CELF2: variants seen among roughly 807,000 people sequenced by gnomAD.
CELF2 encodes CUG triplet repeat RNA-binding protein 2.
In CELF2, 8 loss-of-function variants were observed where a neutral mutation model predicts 62.6. The observed-to-expected ratio is 0.13, with a 90% confidence interval of 0.07 to 0.23. The LOEUF (loss-of-function observed/expected upper bound fraction) is 0.23. Among genes scored for constraint, CELF2 ranks in the 10% least tolerant of loss-of-function variants. The pLI is 1.00. For synonymous variants in CELF2, 258 were observed against 250.0 expected, an observed-to-expected ratio of 1.03 and a Z score of -0.30; for missense variants, 333 against 671.0, an observed-to-expected ratio of 0.50 and a Z score of 5.56.
At position 10,835,657 on chromosome 10, in the gene CELF2, A is replaced by G. The variant is rs571267033; in HGVS notation, c.53+36840A>G. On this transcript the variant is annotated intron_variant, in intron 1 of 13. Coordinates refer to the CELF2 transcript ENST00000636488. ...TTCAGCCTCCTATAGTGCTGGGATT[A>G]CAGGTGTGAGCCACCACGCCCAGCC... Among the ~76,000 whole-genome samples the G allele has an allele frequency of 5.4e-4, 82 of 152,270 alleles. 1 individual carries two copies. Among genetic ancestry groups the G allele is most frequent in the Non-Finnish European group, 8.8e-4 (60 of 68,018 alleles).
At chr10:10,560,753 A>G in the CELF2 span, among the ~76,000 whole-genome samples, 2 of 152,232 alleles carry the variant, frequency 1.3e-5, no homozygotes, top group Non-Finnish European at 2.9e-5. Flanking sequence ...TCACAATTGC[A>G]AAATTGTGGA....
the CELF2 span, among the ~76,000 whole-genome samples, chr10:10,542,767 A>C: frequency 6.6e-6 from 1 of 152,208 alleles, no homozygotes. Context: ...CAATTGTGAC[A>C]GGGGTTATGA....
At chr10:10,550,943 C>A in the CELF2 span, among the ~76,000 whole-genome samples, 2 of 151,870 alleles carry the variant, frequency 1.3e-5, no homozygotes, top group Middle Eastern at 6.8e-3. Flanking sequence ...GGTGATCCAC[C>A]TGCCTTGGTC....
chr10:11,304,599 G>A (rs1003966537), intron 9 of CELF2, among the ~76,000 whole-genome samples: 2 of 152,134 alleles, frequency 1.3e-5, no homozygotes, highest in African/African-American at 2.4e-5. Flanking sequence ...TGCTCAGGAC[G>A]CTCTTCCTCT....
intron 2 of CELF2, among the ~76,000 whole-genome samples, chr10:10,935,591 T>C (rs568610854): frequency 6.6e-6 from 1 of 152,178 alleles, no homozygotes; most frequent in Non-Finnish European, 1.5e-5. Flanking sequence ...TCATACATCA[T>C]ACAGGGATGC....
intron 1 of CELF2, among the ~76,000 whole-genome samples, chr10:10,861,184 G>C (rs2060028071): frequency 6.6e-6 from 1 of 152,138 alleles, no homozygotes; most frequent in African/African-American, 2.4e-5. Flanking sequence ...TTGGGCTCAA[G>C]TGATCCTCCC....
chr10:10,567,258 T>G, the CELF2 span, among the ~76,000 whole-genome samples: 1 of 152,210 alleles, frequency 6.6e-6, no homozygotes. Flanking sequence ...GAGAATCGTG[T>G]TACACTTCCA....
In CELF2 at chr10:10,957,562, C is replaced by T. The variant is rs991392136; in HGVS notation, c.89+37563C>T. Among the ~76,000 whole-genome samples the T allele has an allele frequency of 5.9e-5, 9 of 152,306 alleles. No individual in the cohort carries two copies. In the South Asian group the frequency reaches 1.9e-3, roughly 32 times the overall value. ...AGTCTTTCTTTCTCCCCATCCCTCC[C>T]CTCTCCCTAGATAGAGGGCAGAGAG... On this transcript the variant is annotated intron_variant, in intron 2 of 13. Transcript: ENST00000636488. This position sits in a 1 kb window ranked among gnomAD's most constrained non-coding sequence, Gnocchi z 4.1.
chr10:11,037,790 T>G (rs2061204557), intron 1 of CELF2, among the ~76,000 whole-genome samples: 1 of 152,220 alleles, frequency 6.6e-6, no homozygotes, highest in African/African-American at 2.4e-5. Flanking sequence ...TTGAAATGGA[T>G]TTACCATGAT....
chr10:11,109,896 C>T (rs138774197), intron 1 of CELF2, among the ~76,000 whole-genome samples: 4 of 152,150 alleles, frequency 2.6e-5, no homozygotes, highest in Non-Finnish European at 2.9e-5. Flanking sequence ...GGGTGGGAGT[C>T]GAGGCAGGTG....
the CELF2 span, among the ~76,000 whole-genome samples, chr10:10,673,358 A>G: frequency 6.6e-6 from 1 of 152,144 alleles, no homozygotes; most frequent in Non-Finnish European, 1.5e-5. Flanking sequence ...CTTGTTCATG[A>G]TCTTAGTGAG....
the CELF2 span, among the ~76,000 whole-genome samples, chr10:10,463,536 A>G: frequency 1.7e-3 from 254 of 152,300 alleles, 4 homozygotes; most frequent in East Asian, 0.041. Context: ...TCTGGCTACT[A>G]TATTTTACAT....
chr10:10,834,823 C>T (rs1465249574), intron 1 of CELF2, among the ~76,000 whole-genome samples: 1 of 152,192 alleles, frequency 6.6e-6, no homozygotes, highest in African/African-American at 2.4e-5. Context: ...ACGTGTGGCA[C>T]AGGCTCCCAG....
At chr10:10,670,546 C>T in the CELF2 span, among the ~76,000 whole-genome samples, 1 of 152,176 alleles carries the variant, frequency 6.6e-6, no homozygotes, top group Non-Finnish European at 1.5e-5. Context: ...TTATCAGCAT[C>T]CCCAACCAGA....
the CELF2 span, among the ~76,000 whole-genome samples, chr10:10,755,692 T>G: frequency 6.6e-6 from 1 of 152,228 alleles, no homozygotes; most frequent in African/African-American, 2.4e-5. Flanking sequence ...CGCCCCCTCT[T>G]ACGATGTTAT....
At chr10:10,834,140 C>T (rs1032731490) in intron 1 of CELF2, among the ~76,000 whole-genome samples, 11 of 152,002 alleles carry the variant, frequency 7.2e-5, no homozygotes, top group Non-Finnish European at 1.5e-4. Context: ...CCATGAAAAA[C>T]GAGATGGTGT....
the CELF2 span, among the ~76,000 whole-genome samples, chr10:10,788,481 G>C: frequency 3.5e-4 from 1 of 2,852 alleles, no homozygotes; most frequent in African/African-American, 1.2e-3. Context: ...TTTTTTTTTT[G>C]AGATGGAGTC....
At chr10:11,138,290 T>C (rs1192226099) in intron 1 of CELF2, among the ~76,000 whole-genome samples, 2 of 152,302 alleles carry the variant, frequency 1.3e-5, no homozygotes, top group East Asian at 3.9e-4. Context: ...AAAAATAAAC[T>C]GAGACACGTA....
Position 10,928,664 on chromosome 10 carries a change from A to G in CELF2, c.89+8665A>G, listed in dbSNP as rs149445341. 2.8e-3 allele frequency among the ~76,000 whole-genome samples: 422 copies of G among 152,298 alleles called. 3 individuals are homozygous for G. The highest frequency in any genetic ancestry group is 9.7e-3 in the African/African-American group (404 of 41,554). ...GTTTGCTGACCACTGTTCTATACAC[A>G]TCCTAGGTTTCTTTGATACCTTCTC... On this transcript the variant is annotated intron_variant, in intron 2 of 13. Coordinates refer to the CELF2 transcript ENST00000636488. This position sits in a 1 kb window ranked among gnomAD's most constrained non-coding sequence, Gnocchi z 4.8.
Sources: gnomAD v4.1 joint callset for allele counts (sites outside exome capture counted in the v4.1 genomes callset) on GRCh38, gnomAD v4.1.1 for gene constraint, Gnocchi (gnomAD v3.1) non-coding constraint, MANE v1.5 for transcripts, NCBI Gene and HGNC (gene_info 2026-07-23, HGNC 2026-07-21) for gene names.